The following GLCCI1 variants were observed in gnomAD, a reference collection of about 807,000 sequenced individuals.
GLCCI1 encodes the protein glucocorticoid-induced transcript 1 protein.
Under a neutral mutation model 52.2 loss-of-function variants are expected in GLCCI1, and 24 were observed. The observed-to-expected ratio is 0.46, with a 90% confidence interval of 0.33 to 0.65. The LOEUF (loss-of-function observed/expected upper bound fraction) is 0.65, where lower values mean the gene tolerates loss of function less well. Ranked by LOEUF, GLCCI1 falls within the 30% of genes least tolerant of loss-of-function variation. The pLI is 0.02. For missense variants in GLCCI1, 704 were observed against 701.5 expected (o/e 1.00, Z -0.04); for synonymous variants, 310 against 276.5 (o/e 1.12, Z -1.20).
intron 3 of GLCCI1, among the ~76,000 whole-genome samples, chr7:8,023,585 A>ATTTTTTTTTTTTTTTT (rs1268659559): frequency 1.8e-4 from 7 of 39,776 alleles, no homozygotes; most frequent in South Asian, 6.8e-4. Context: ...AATCTCTGTT[A>ATTTTTTTTTTTTTTTT]TTCTTTTTTT....
chr7:7,989,486 A>C (rs1339824509), intron 1 of GLCCI1, among the ~76,000 whole-genome samples: 1 of 152,108 alleles, frequency 6.6e-6, no homozygotes, highest in Non-Finnish European at 1.5e-5. Flanking sequence ...TGTTTTTTTC[A>C]CTGTCTTGTA....
intron 1 of GLCCI1, chr7:7,980,989 C>A (rs980617068): frequency 4.5e-5 from 25 of 550,386 alleles, no homozygotes; most frequent in Admixed American, 1.1e-4. Flanking sequence ...AGAAATTGAT[C>A]ATTTCAAACG....
chr7:8,060,263 G>A lies in GLCCI1; in HGVS notation c.966+15G>A, dbSNP rs558444851. The A allele has an allele frequency of 2.5e-6, 4 of 1,593,358 alleles. No homozygotes were observed. The highest frequency in any genetic ancestry group is 3.4e-6 in the Non-Finnish European group (4 of 1,166,432). ...AAGTATCCAAGGTAAGGTTACATGGGATATTTGAATCCTTTTTTTCTCTGA... is the reference window on the plus strand; with the variant it reads ...AAGTATCCAAGGTAAGGTTACATGGAATATTTGAATCCTTTTTTTCTCTGA... On this transcript the variant is annotated intron_variant, in intron 5 of 7. Transcript: ENST00000223145.
chr7:7,976,232 A>G (rs1370506287), intron 1 of GLCCI1, among the ~76,000 whole-genome samples: 2 of 152,136 alleles, frequency 1.3e-5, no homozygotes, highest in Admixed American at 6.5e-5. Flanking sequence ...TAATCCCAGC[A>G]CTTTGGGAGG....
chr7:8,028,622 A>G (rs1781679492), intron 3 of GLCCI1, among the ~76,000 whole-genome samples: 1 of 152,172 alleles, frequency 6.6e-6, no homozygotes, highest in African/African-American at 2.4e-5. Flanking sequence ...CAGAGCTGAA[A>G]TAAAATGGAT....
chr7:8,000,157 C>T (rs753051692), intron 1 of GLCCI1, among the ~76,000 whole-genome samples: 4 of 152,124 alleles, frequency 2.6e-5, no homozygotes, highest in Non-Finnish European at 5.9e-5. Flanking sequence ...TGCCTCTCAA[C>T]AGTTTGTTGT....
intron 1 of GLCCI1, among the ~76,000 whole-genome samples, chr7:7,993,334 C>G (rs556850875): frequency 3.3e-5 from 5 of 152,290 alleles, no homozygotes; most frequent in African/African-American, 9.6e-5. Context: ...CGTTGTCCAA[C>G]TTTTTCTCAA....
intron 3 of GLCCI1, among the ~76,000 whole-genome samples, chr7:8,053,411 C>A (rs575581755): frequency 2.0e-5 from 3 of 151,318 alleles, no homozygotes; most frequent in African/African-American, 2.4e-5. Flanking sequence ...GCAACCTCCC[C>A]CTCCAGGTTC....
chr7:8,055,380 A>C (rs1461134844), intron 3 of GLCCI1, 53 bp from the exon 4 acceptor site: 1 of 1,054,554 alleles, frequency 9.5e-7, no homozygotes. Context: ...TAAATATAAA[A>C]ATTTGGTATT....
rs192794999 is a variant in GLCCI1 at position 8,028,930 on chromosome 7, A to G, written c.696+6361A>G. Reference sequence around the variant, plus strand: ...AGAAATCCAAAGCCCAAATGGGCCAATAACAAGTAGAGATTGAACCCATAC... The same window carrying G: ...AGAAATCCAAAGCCCAAATGGGCCAGTAACAAGTAGAGATTGAACCCATAC... On this transcript the variant is annotated intron_variant, in intron 3 of 7. Coordinates refer to ENST00000223145, the MANE Select transcript of GLCCI1 (RefSeq NM_138426.4). 3.3e-5 allele frequency among the ~76,000 whole-genome samples: 5 copies of G among 152,312 alleles called. No individual in the cohort carries two copies. In the East Asian group the frequency reaches 9.6e-4, roughly 29 times the overall value.
chr7:8,050,665 C>CT (rs1040642266), intron 3 of GLCCI1, among the ~76,000 whole-genome samples: 7 of 152,110 alleles, frequency 4.6e-5, no homozygotes, highest in Non-Finnish European at 1.0e-4. Flanking sequence ...CCTTTGTCAC[C>CT]TTTTCCATTC....
chr7:7,984,040 C>T (rs999560837), intron 1 of GLCCI1, among the ~76,000 whole-genome samples: 7 of 152,102 alleles, frequency 4.6e-5, no homozygotes, highest in Non-Finnish European at 8.8e-5. Context: ...TTTAGTGAGG[C>T]TCCATGGACT....
At chr7:8,003,800 A>G in intron 1 of GLCCI1, 108 bp from the exon 2 acceptor site, 2 of 914,884 alleles carry the variant, frequency 2.2e-6, no homozygotes, top group South Asian at 1.7e-5. Context: ...GTAAATATAT[A>G]TATCACAGGA....
intron 1 of GLCCI1, among the ~76,000 whole-genome samples, chr7:7,973,076 G>C (rs780603023): frequency 6.6e-6 from 1 of 152,082 alleles, no homozygotes; most frequent in Non-Finnish European, 1.5e-5. Flanking sequence ...GTATTGCAGT[G>C]GTGAATGACA....
chr7:8,058,854 C>G (rs1443974335), intron 4 of GLCCI1, among the ~76,000 whole-genome samples: 1 of 152,154 alleles, frequency 6.6e-6, no homozygotes, highest in Non-Finnish European at 1.5e-5. Flanking sequence ...GCACAGAAGC[C>G]TTGCCGATAA....
At chr7:8,035,835 C>T (rs1781855323) in intron 3 of GLCCI1, among the ~76,000 whole-genome samples, 1 of 152,178 alleles carries the variant, frequency 6.6e-6, no homozygotes, top group Non-Finnish European at 1.5e-5. Flanking sequence ...CCCTCCCCCA[C>T]ATAGAGAGCT....
intron 2 of GLCCI1, among the ~76,000 whole-genome samples, chr7:8,005,869 G>C (rs1299186845): frequency 6.6e-6 from 1 of 151,974 alleles, no homozygotes; most frequent in African/African-American, 2.4e-5. Flanking sequence ...TGTGATCTCA[G>C]CTCACTGCAC....
rs201859219 is a variant in GLCCI1 at position 8,055,415 on chromosome 7, C to T, written c.697-18C>T. ...TCACTTTTATTCTCTTCTTACTTCT[C>T]TTTCCCTGTCCCCAAAGCAGATCGC... On this transcript the variant is annotated intron_variant, in intron 3 of 7. Transcript: ENST00000223145. 4.6e-6 allele frequency: 7 copies of T among 1,526,478 alleles called. No homozygotes were observed. In the East Asian group the frequency reaches 1.4e-4, roughly 30 times the overall value. The allele number at this position is 1,526,478 out of a possible 1,614,324, so 94.6% of individuals were successfully genotyped here.
In GLCCI1 at chr7:8,045,067, C is replaced by G. The variant is rs1242436680; in HGVS notation, c.697-10366C>G. ...GGCATATTTCTGGTTATAAAAACATCACCAGACTTCTAGATAAAGACCAAA... is the reference window on the plus strand; with the variant it reads ...GGCATATTTCTGGTTATAAAAACATGACCAGACTTCTAGATAAAGACCAAA... On this transcript the variant is annotated intron_variant, in intron 3 of 7. Transcript: ENST00000223145. Among the ~76,000 whole-genome samples, 8 of 152,112 alleles carry G rather than the reference C, an allele frequency of 5.3e-5. No individual in the cohort carries two copies. In the East Asian group the frequency reaches 1.5e-3, roughly 29 times the overall value.
Sources: allele counts gnomAD v4.1 joint callset (sites outside exome capture counted in the v4.1 genomes callset), GRCh38; gene constraint gnomAD v4.1.1; transcripts MANE v1.5; gene names NCBI Gene and HGNC (gene_info 2026-07-23, HGNC 2026-07-21).